Variants in PDE3A observed in about 807,000 individuals in gnomAD.
The protein encoded by PDE3A is cGMP-inhibited 3',5'-cyclic phosphodiesterase 3A.
PDE3A carries 43 observed loss-of-function variants against 98.3 expected under a neutral mutation model. The observed-to-expected ratio is 0.44, with a 90% confidence interval of 0.34 to 0.56. The LOEUF (loss-of-function observed/expected upper bound fraction) is 0.56, where lower values mean the gene tolerates loss of function less well. Ranked by LOEUF, PDE3A falls within the 20% of genes least tolerant of loss-of-function variation. PDE3A has a pLI of 0.01. For synonymous variants in PDE3A, 663 were observed against 567.9 expected, an observed-to-expected ratio of 1.17 and a Z score of -2.38; for missense variants, 1,427 against 1,440.7, an observed-to-expected ratio of 0.99 and a Z score of 0.15.
chr12:20,422,168 A>C (rs1446859273), intron 1 of PDE3A, among the ~76,000 whole-genome samples: 2 of 152,066 alleles, frequency 1.3e-5, no homozygotes, highest in African/African-American at 4.8e-5. Flanking sequence ...AACACGGTGA[A>C]ACTCCATCTC....
chr12:20,390,961 C>G (rs1195582018), intron 1 of PDE3A, among the ~76,000 whole-genome samples: 2 of 151,874 alleles, frequency 1.3e-5, no homozygotes, highest in Admixed American at 6.6e-5. Context: ...ACTTTTTACT[C>G]TTGGTGCTGA....
chr12:20,538,468 C>G (rs1317833760), intron 1 of PDE3A, among the ~76,000 whole-genome samples: 1 of 152,110 alleles, frequency 6.6e-6, no homozygotes, highest in African/African-American at 2.4e-5. Flanking sequence ...TTAACCAGGA[C>G]TGTGTTCCAT....
At chr12:20,587,165 C>T (rs1662603484) in intron 2 of PDE3A, among the ~76,000 whole-genome samples, 1 of 152,028 alleles carries the variant, frequency 6.6e-6, no homozygotes, top group South Asian at 2.1e-4. Context: ...GTCAGGAGTT[C>T]GAGACCAGCC....
intron 1 of PDE3A, among the ~76,000 whole-genome samples, chr12:20,402,483 G>A (rs1944151025): frequency 6.6e-6 from 1 of 151,958 alleles, no homozygotes; most frequent in East Asian, 1.9e-4. Flanking sequence ...GTTGTGATTT[G>A]GACTCACCCT....
chr12:20,467,842 G>T (rs2120952888), intron 1 of PDE3A, among the ~76,000 whole-genome samples: 1 of 148,322 alleles, frequency 6.7e-6, no homozygotes, highest in East Asian at 2.0e-4. Flanking sequence ...GGCTGAGGCA[G>T]AAGAATCACT....
Position 20,680,122 on chromosome 12 carries a change from G to C in PDE3A, c.3277G>C (p.Glu1093Gln). 6.2e-7 allele frequency: 1 copy of C among 1,613,636 alleles called. No homozygotes were observed. Among genetic ancestry groups the C allele is most frequent in the East Asian group, 2.2e-5 (1 of 44,862 alleles). ...GATGTGGAAGAAAGTCATTGAAGAG[G>C]AGCAACGGTTGGCAGGCATAGAAAA... ...HKMWKKVIEEEQRLAGIENQS... is the reference protein window; with the variant it reads ...HKMWKKVIEEQQRLAGIENQS... Residue 1093 changes from glutamate (E) to glutamine (Q), a missense_variant, in exon 16 of 16, where the codon GAG (glutamate) becomes CAG (glutamine). Coordinates refer to ENST00000359062, the MANE Select transcript of PDE3A (RefSeq NM_000921.5).
chr12:20,648,896 A>ATAGAGCTG lies in PDE3A; in HGVS notation c.2769+8_2769+15dup. The ATAGAGCTG allele has an allele frequency of 6.4e-7, 1 of 1,570,632 alleles. No homozygotes were observed. Among genetic ancestry groups the ATAGAGCTG allele is most frequent in the Non-Finnish European group, 8.8e-7 (1 of 1,141,148 alleles). The stretch of plus-strand genomic sequence containing the variant: ...GTAGCCAAATTTAATGGCAAGGTAA[A>ATAGAGCTG]TAGAGCTGTACCCAGTTTTCTTTTC... On this transcript the variant is annotated splice_donor_region_variant and intron_variant, in intron 13 of 15. Transcript: ENST00000359062.
At chr12:20,471,743 A>C (rs1419026946) in intron 1 of PDE3A, among the ~76,000 whole-genome samples, 2 of 152,148 alleles carry the variant, frequency 1.3e-5, no homozygotes, top group Admixed American at 1.3e-4. Flanking sequence ...CACATTTCAA[A>C]GATGTAATGG....
At position 20,527,301 on chromosome 12, in the gene PDE3A, G is replaced by A. The variant is rs114144671; in HGVS notation, c.961-29359G>A. On this transcript the variant is annotated intron_variant, in intron 1 of 15. Transcript: ENST00000359062. Reference sequence around the variant, plus strand: ...CTTCTAAACATTTGAGAAGATGAATGGATCACTCGTTTCTAAATGGATAGC... The same window carrying A: ...CTTCTAAACATTTGAGAAGATGAATAGATCACTCGTTTCTAAATGGATAGC... 6.0e-3 allele frequency among the ~76,000 whole-genome samples: 907 copies of A among 152,110 alleles called. 12 individuals carry two copies. The highest frequency in any genetic ancestry group is 0.021 in the African/African-American group (862 of 41,494).
rs567518503 is a variant in PDE3A at position 20,465,751 on chromosome 12, A to G, written c.961-90909A>G. On this transcript the variant is annotated intron_variant, in intron 1 of 15. Coordinates refer to ENST00000359062, the MANE Select transcript of PDE3A (RefSeq NM_000921.5). ...AATTTAAAATGGTAGCATGTCCTAA[A>G]TAAAATAGGAAATATAAAAGTTGAA... Among the ~76,000 whole-genome samples the G allele has an allele frequency of 1.8e-4, 27 of 152,334 alleles. No homozygotes were observed. In the East Asian group the frequency reaches 5.2e-3, roughly 29 times the overall value.
chr12:20,634,939 T>A lies in PDE3A; in HGVS notation c.1884T>A (p.Asn628Lys). The change falls in exon 8 of 16, where the codon AAT becomes AAA. Residue 628 changes from asparagine (N) to lysine (K), a missense_variant. Around this residue, in one of 3 missense-constraint regions of PDE3A, gnomAD observed 1,012 missense variants for 886.5 expected, o/e 1.14. Transcript: ENST00000359062. ...AAGTTACCTCTGATTATGAAACCAA[T>A]AACAACAGTGACAGCAGTGACATTG... Reference protein sequence around the residue: ...TAQVTSDYETNNNSDSSDIVQ... With the variant: ...TAQVTSDYETKNNSDSSDIVQ... The A allele has an allele frequency of 6.2e-7, 1 of 1,610,940 alleles. No homozygotes were observed.
chr12:20,527,983 G>A (rs1190407424), intron 1 of PDE3A, among the ~76,000 whole-genome samples: 1 of 151,896 alleles, frequency 6.6e-6, no homozygotes, highest in Non-Finnish European at 1.5e-5. Context: ...GGCTGTAAGT[G>A]TTCGATTTTC....
chr12:20,430,603 T>C (rs1944679155), intron 1 of PDE3A, among the ~76,000 whole-genome samples: 1 of 152,164 alleles, frequency 6.6e-6, no homozygotes, highest in Non-Finnish European at 1.5e-5. Flanking sequence ...AACACTGCCC[T>C]GAAAGGAATA....
intron 2 of PDE3A, among the ~76,000 whole-genome samples, chr12:20,588,573 A>G (rs543945362): frequency 2.6e-5 from 4 of 152,300 alleles, no homozygotes; most frequent in African/African-American, 7.2e-5. Context: ...AAAAATGCAG[A>G]TTCCGTGAAT....
intron 2 of PDE3A, among the ~76,000 whole-genome samples, chr12:20,570,972 A>C (rs1942789844): frequency 6.6e-6 from 1 of 152,178 alleles, no homozygotes; most frequent in Non-Finnish European, 1.5e-5. Flanking sequence ...ACAGTGTTTT[A>C]GATGAAACTA....
At position 20,424,355 on chromosome 12, in the gene PDE3A, G is replaced by T. The variant is rs1944570384; in HGVS notation, c.960+54111G>T. 2.0e-5 allele frequency among the ~76,000 whole-genome samples: 3 copies of T among 151,974 alleles called. No homozygotes were observed. The South Asian group carries it at 6.2e-4, about 32-fold the overall frequency. ...CTCAACTTTTCTTTACCTCCCCACT[G>T]CCCTCTTTCAATTACTTCCCTTAGA... On this transcript the variant is annotated intron_variant, in intron 1 of 15. Transcript: ENST00000359062.
At chr12:20,589,237 T>C (rs1182499567) in intron 2 of PDE3A, among the ~76,000 whole-genome samples, 3 of 152,166 alleles carry the variant, frequency 2.0e-5, no homozygotes, top group African/African-American at 7.2e-5. Flanking sequence ...AGTATGTTCT[T>C]TTTATAATGT....
Position 20,370,031 on chromosome 12 carries a change from C to T in PDE3A, c.747C>T (p.Ile249=). ...CGTACCTGGCCGGCGTGCTGGGGAT[C>T]CTCTTGGCCAGGTACGTGGAACAAA... ...YLAYLAGVLG[I]LLARYVEQIL... The change falls in exon 1 of 16, where the codon ATC becomes ATT. Residue 249 remains isoleucine (I), a synonymous_variant. Transcript: ENST00000359062. The T allele has an allele frequency of 6.2e-7, 1 of 1,613,044 alleles. No individual in the cohort carries two copies. Among genetic ancestry groups the T allele is most frequent in the Non-Finnish European group, 8.5e-7 (1 of 1,179,898 alleles).
At chr12:20,539,707 C>T (rs529419433) in intron 1 of PDE3A, among the ~76,000 whole-genome samples, 1 of 151,844 alleles carries the variant, frequency 6.6e-6, no homozygotes, top group East Asian at 1.9e-4. Context: ...GAAGTGACAC[C>T]CGAAGAATGA....
Sources: allele counts gnomAD v4.1 joint callset (sites outside exome capture counted in the v4.1 genomes callset), GRCh38; gene constraint gnomAD v4.1.1; regional missense constraint gnomAD v4.1.1; transcripts MANE v1.5; gene names NCBI Gene and HGNC (gene_info 2026-07-23, HGNC 2026-07-21).